Variants in CCDC178 observed in about 807,000 individuals in gnomAD.
CCDC178 encodes coiled-coil domain containing 178.
In CCDC178, 126 loss-of-function variants were observed where a neutral mutation model predicts 117.4. That is an observed-to-expected ratio of 1.07 (90% CI 0.93 to 1.24). CCDC178 has a LOEUF of 1.24. CCDC178 is among the 50% of genes most tolerant of loss of function. CCDC178 has a pLI of 0.00. For missense variants in CCDC178, 1,030 were observed against 986.9 expected, an observed-to-expected ratio of 1.04 and a Z score of -0.59; for synonymous variants, 283 against 313.4, an observed-to-expected ratio of 0.90 and a Z score of 1.02.
At chr18:33,413,165 TTTTG>T (rs1472046998) in intron 2 of CCDC178, among the ~76,000 whole-genome samples, 8 of 152,172 alleles carry the variant, frequency 5.3e-5, no homozygotes, top group African/African-American at 1.2e-4. Context: ...CTAATTTATT[TTTTG>T]TTTGTTTGTT....
In CCDC178 at chr18:33,012,768, A is replaced by G. The variant is rs577943024; in HGVS notation, c.2389-38087T>C. Among the ~76,000 whole-genome samples the G allele has an allele frequency of 3.9e-5, 6 of 152,298 alleles. No individual in the cohort carries two copies. In the East Asian group the frequency reaches 1.2e-3, roughly 29 times the overall value. ...CTTCAACCTTTTTTCGCCATATGAT[A>G]CAATTTCCCCATAATATTGGAAACT... On this transcript the variant is annotated intron_variant, in intron 21 of 22. Transcript: ENST00000383096.
chr18:33,376,679 A>C (rs375614844), intron 5 of CCDC178, among the ~76,000 whole-genome samples: 2 of 152,190 alleles, frequency 1.3e-5, no homozygotes, highest in South Asian at 2.1e-4. Flanking sequence ...TTTAGCTCCC[A>C]CTTATAAGTG....
At chr18:33,024,652 A>AT (rs891767888) in intron 21 of CCDC178, among the ~76,000 whole-genome samples, 57 of 149,796 alleles carry the variant, frequency 3.8e-4, no homozygotes, top group East Asian at 2.0e-3. Context: ...TATTATTATC[A>AT]TTTTTTTTTG....
intron 22 of CCDC178, among the ~76,000 whole-genome samples, chr18:32,969,175 G>A (rs1165448232): frequency 6.6e-6 from 1 of 151,990 alleles, no homozygotes; most frequent in East Asian, 1.9e-4. Context: ...AGATGAAGAT[G>A]AAGAAATAAG....
intron 20 of CCDC178, among the ~76,000 whole-genome samples, chr18:33,182,797 C>T (rs1022613914): frequency 1.3e-5 from 2 of 151,904 alleles, no homozygotes; most frequent in African/African-American, 4.8e-5. Context: ...AAATCATTAA[C>T]ATTTGTCTTA....
intron 20 of CCDC178, among the ~76,000 whole-genome samples, chr18:33,194,653 T>C (rs925466513): frequency 3.3e-5 from 5 of 152,210 alleles, no homozygotes; most frequent in African/African-American, 1.2e-4. Flanking sequence ...CTTTCTATGA[T>C]GAAATCTTTA....
intron 21 of CCDC178, among the ~76,000 whole-genome samples, chr18:33,047,203 G>A (rs924245398): frequency 5.3e-5 from 8 of 151,962 alleles, no homozygotes; most frequent in Admixed American, 2.0e-4. Flanking sequence ...TAAATAATCA[G>A]AACAGAACCA....
chr18:33,275,252 A>G (rs1212908277), intron 12 of CCDC178, among the ~76,000 whole-genome samples: 1 of 152,008 alleles, frequency 6.6e-6, no homozygotes, highest in East Asian at 1.9e-4. Flanking sequence ...TGCTCCTAAT[A>G]TATAAATATA....
chr18:33,412,265 T>C (rs927622709), intron 2 of CCDC178, among the ~76,000 whole-genome samples, 155 bp from the exon 3 acceptor site: 16 of 152,096 alleles, frequency 1.1e-4, no homozygotes, highest in Non-Finnish European at 2.4e-4. Flanking sequence ...ATTAGGACTA[T>C]TACGATCTCA....
At chr18:33,380,974 C>A (rs563094751) in intron 5 of CCDC178, among the ~76,000 whole-genome samples, 276 of 22,768 alleles carry the variant, frequency 0.012, no homozygotes, top group Admixed American at 0.02. Flanking sequence ...ATCTTCCCTC[C>A]ATTTAACCTC....
intron 20 of CCDC178, among the ~76,000 whole-genome samples, chr18:33,166,069 A>G (rs1170709274): frequency 1.3e-5 from 2 of 152,152 alleles, no homozygotes; most frequent in African/African-American, 4.8e-5. Context: ...CATTGTTTTT[A>G]CACCATGAGC....
chr18:32,961,049 T>G (rs2054694279), intron 22 of CCDC178, among the ~76,000 whole-genome samples: 1 of 152,126 alleles, frequency 6.6e-6, no homozygotes, highest in African/African-American at 2.4e-5. Flanking sequence ...ATGTATACAC[T>G]TTAAAACAAT....
At chr18:33,438,067 T>C (rs765399047) in intron 2 of CCDC178, among the ~76,000 whole-genome samples, 1 of 151,978 alleles carries the variant, frequency 6.6e-6, no homozygotes. Context: ...CATATGAAAA[T>C]AAAACTCTAA....
At chr18:33,156,778 G>C (rs1220825218) in intron 20 of CCDC178, among the ~76,000 whole-genome samples, 1 of 152,182 alleles carries the variant, frequency 6.6e-6, no homozygotes, top group South Asian at 2.1e-4. Flanking sequence ...TTTCCACTAC[G>C]AGAGTTTCTG....
chr18:33,079,531 T>G (rs1186856178), intron 21 of CCDC178, among the ~76,000 whole-genome samples: 1 of 152,156 alleles, frequency 6.6e-6, no homozygotes, highest in Non-Finnish European at 1.5e-5. Flanking sequence ...ACTGCACATC[T>G]GACCAAGTTT....
chr18:33,307,663 G>C (rs2144936649), intron 11 of CCDC178, among the ~76,000 whole-genome samples: 1 of 152,310 alleles, frequency 6.6e-6, no homozygotes, highest in Non-Finnish European at 1.5e-5. Flanking sequence ...TCTCATTACA[G>C]GTCTGGAGGC....
chr18:33,291,614 T>C (rs957268048), intron 12 of CCDC178, among the ~76,000 whole-genome samples: 1 of 152,190 alleles, frequency 6.6e-6, no homozygotes, highest in Non-Finnish European at 1.5e-5. Flanking sequence ...ATTTATTTTA[T>C]CTATTATGTT....
chr18:33,238,019 T>C (rs1292129101), intron 15 of CCDC178, among the ~76,000 whole-genome samples: 1 of 152,194 alleles, frequency 6.6e-6, no homozygotes, highest in Non-Finnish European at 1.5e-5. Flanking sequence ...CTTAGGCAAG[T>C]GAGACACTTG....
intron 5 of CCDC178, among the ~76,000 whole-genome samples, chr18:33,385,769 C>G (rs2063485061): frequency 1.3e-5 from 2 of 151,958 alleles, no homozygotes; most frequent in Non-Finnish European, 2.9e-5. Flanking sequence ...GATCTCAAAT[C>G]AACACCCTAA....
Sources: gnomAD v4.1 joint callset for allele counts (sites outside exome capture counted in the v4.1 genomes callset) on GRCh38, gnomAD v4.1.1 for gene constraint, MANE v1.5 for transcripts, NCBI Gene and HGNC (gene_info 2026-07-23, HGNC 2026-07-21) for gene names.